Variants in ROBO2 observed in about 807,000 individuals in gnomAD.
ROBO2 encodes roundabout homolog 2.
Under a neutral mutation model 160.8 loss-of-function variants are expected in ROBO2, and 53 were observed. The ratio of observed to expected loss-of-function variants is 0.33; its 90% CI spans 0.26 to 0.41. The LOEUF is 0.41. Ranked by LOEUF, ROBO2 falls within the 10% of genes least tolerant of loss-of-function variation. The pLI, the probability that ROBO2 is intolerant of heterozygous loss-of-function variation, is 1.00. For missense variants in ROBO2, 1,577 were observed against 1,722.4 expected (o/e 0.92, Z 1.49); for synonymous variants, 664 against 611.7 (o/e 1.09, Z -1.26).
At chr3:76,338,082 A>G (rs746032494) in intron 2 of ROBO2, among the ~76,000 whole-genome samples, 2 of 152,124 alleles carry the variant, frequency 1.3e-5, no homozygotes, top group African/African-American at 2.4e-5. Flanking sequence ...ACATAGGGGG[A>G]AAAAGTGCCT....
intron 2 of ROBO2, among the ~76,000 whole-genome samples, chr3:76,128,445 T>A (rs2071088314): frequency 6.6e-6 from 1 of 152,138 alleles, no homozygotes; most frequent in African/African-American, 2.4e-5. Context: ...GGAATTATAT[T>A]AATTTATAGT....
chr3:77,126,775 G>C (rs2075356742), intron 2 of ROBO2, among the ~76,000 whole-genome samples: 1 of 136,442 alleles, frequency 7.3e-6, no homozygotes, highest in African/African-American at 2.7e-5. Context: ...ATTTGATTTT[G>C]AAACTTCTTT....
At chr3:77,491,803 C>T (rs567030260) in intron 4 of ROBO2, among the ~76,000 whole-genome samples, 12 of 152,192 alleles carry the variant, frequency 7.9e-5, no homozygotes, top group South Asian at 4.1e-4. Context: ...TCCCAGAGTA[C>T]GGATACTCTA....
At chr3:76,160,780 A>T (rs2072598019) in intron 2 of ROBO2, among the ~76,000 whole-genome samples, 1 of 152,140 alleles carries the variant, frequency 6.6e-6, no homozygotes, top group South Asian at 2.1e-4. Context: ...ATCTGTTCAG[A>T]TATGTTATAG....
At chr3:75,928,953 A>T (rs1477243760) in intron 1 of ROBO2, among the ~76,000 whole-genome samples, 1 of 138,432 alleles carries the variant, frequency 7.2e-6, no homozygotes, top group Admixed American at 7.7e-5. Context: ...ACCTTCAAAC[A>T]TGAGATGTGC....
chr3:76,741,042 G>A (rs1368888777), intron 2 of ROBO2, among the ~76,000 whole-genome samples: 1 of 152,030 alleles, frequency 6.6e-6, no homozygotes, highest in Non-Finnish European at 1.5e-5. Flanking sequence ...AAGCTCTGAT[G>A]TTTACTATAA....
chr3:77,445,800 T>TG (rs1553960463), intron 2 of ROBO2, among the ~76,000 whole-genome samples: 5 of 121,178 alleles, frequency 4.1e-5, no homozygotes, highest in African/African-American at 1.3e-4. Context: ...TTTTGTTTTT[T>TG]TTTTTTTTTT....
intron 2 of ROBO2, among the ~76,000 whole-genome samples, chr3:77,462,144 A>T (rs997118276): frequency 2.0e-5 from 3 of 152,226 alleles, no homozygotes; most frequent in Non-Finnish European, 4.4e-5. Context: ...TCTATAGAAG[A>T]TGTATTAATA....
chr3:77,065,353 C>CT (rs1160211859), intron 1 of ROBO2, among the ~76,000 whole-genome samples: 1 of 152,120 alleles, frequency 6.6e-6, no homozygotes, highest in Non-Finnish European at 1.5e-5. Context: ...TTGTCTTTTT[C>CT]TTAACAAGTA....
intron 2 of ROBO2, among the ~76,000 whole-genome samples, chr3:77,308,225 G>T (rs538976333): frequency 1.3e-5 from 2 of 151,864 alleles, no homozygotes; most frequent in Non-Finnish European, 2.9e-5. Flanking sequence ...TCATGTGAGA[G>T]ATAACAAGTC....
At chr3:76,145,068 G>T (rs947073194) in intron 2 of ROBO2, among the ~76,000 whole-genome samples, 29 of 151,444 alleles carry the variant, frequency 1.9e-4, no homozygotes, top group African/African-American at 6.1e-4. Context: ...TGTGGTAGAT[G>T]ATTTGAGGTA....
chr3:76,561,535 T>A (rs1370605242), intron 2 of ROBO2, among the ~76,000 whole-genome samples: 1 of 152,164 alleles, frequency 6.6e-6, no homozygotes, highest in Admixed American at 6.5e-5. Flanking sequence ...GTGCCTATTA[T>A]ATGCAAAACA....
chr3:77,145,190 T>A, intron 2 of ROBO2, among the ~76,000 whole-genome samples: 1 of 152,154 alleles, frequency 6.6e-6, no homozygotes, highest in East Asian at 1.9e-4. Flanking sequence ...GCTGAATGGA[T>A]AATATGAAGA....
chr3:77,455,289 T>A (rs2081512070), intron 2 of ROBO2, among the ~76,000 whole-genome samples: 2 of 152,136 alleles, frequency 1.3e-5, no homozygotes, highest in Admixed American at 6.5e-5. Context: ...GTTACAATCA[T>A]TTACGAAAAA....
intron 2 of ROBO2, among the ~76,000 whole-genome samples, chr3:75,966,254 CTT>C (rs1949108622): frequency 1.8e-5 from 2 of 113,626 alleles, no homozygotes; most frequent in South Asian, 8.0e-4. Flanking sequence ...CTCTTTAGCA[CTT>C]TGCCTAAATA....
At chr3:77,644,979 C>A in intron 25 of ROBO2, 75 bp downstream of exon 27, 3 of 1,418,638 alleles carry the variant, frequency 2.1e-6, no homozygotes, top group Non-Finnish European at 3.0e-6. Flanking sequence ...CCACATTAAA[C>A]AAATTTCAGA....
intron 2 of ROBO2, among the ~76,000 whole-genome samples, chr3:76,967,946 T>C (rs1031506000): frequency 1.3e-5 from 2 of 152,190 alleles, no homozygotes; most frequent in African/African-American, 4.8e-5. Context: ...CTCAAAAGTC[T>C]TACATTGTTG....
intron 2 of ROBO2, among the ~76,000 whole-genome samples, chr3:76,766,887 A>G (rs187856114): frequency 6.6e-6 from 1 of 151,558 alleles, no homozygotes; most frequent in Non-Finnish European, 1.5e-5. Context: ...TGACTCTAAT[A>G]TTGACTTTCT....
intron 2 of ROBO2, among the ~76,000 whole-genome samples, chr3:77,200,183 A>G (rs1195829014): frequency 6.8e-6 from 1 of 147,596 alleles, no homozygotes; most frequent in Admixed American, 6.8e-5. Context: ...TCCTTCTAAC[A>G]ATGTTTTTCC....
Sources: allele counts gnomAD v4.1 joint callset (sites outside exome capture counted in the v4.1 genomes callset), GRCh38; gene constraint gnomAD v4.1.1; transcripts MANE v1.5; gene names NCBI Gene and HGNC (gene_info 2026-07-23, HGNC 2026-07-21).